Variants in OPCML observed in about 807,000 individuals in gnomAD.
OPCML encodes opioid-binding protein/cell adhesion molecule.
Under a neutral mutation model 37.8 loss-of-function variants are expected in OPCML, and 13 were observed. The observed-to-expected ratio is 0.34, with a 90% CI of 0.22 to 0.55. OPCML has a LOEUF of 0.55. Among genes scored for constraint, OPCML ranks in the 20% least tolerant of loss-of-function variants. The probability of loss-of-function intolerance (pLI) is 0.91; values close to 1 mark genes in which losing one functional copy is unlikely to be tolerated. For synonymous variants in OPCML, 176 were observed against 168.8 expected, an observed-to-expected ratio of 1.04 and a Z score of -0.33; for missense variants, 341 against 435.6, an observed-to-expected ratio of 0.78 and a Z score of 1.93.
At chr11:133,333,364 A>G (rs1472556645) in intron 1 of OPCML, among the ~76,000 whole-genome samples, 1 of 150,686 alleles carries the variant, frequency 6.6e-6, no homozygotes, top group Non-Finnish European at 1.5e-5. Flanking sequence ...GATTTTTAAC[A>G]AAGCTGACAA....
chr11:133,005,818 G>A, intron 1 of OPCML: 1 of 985,216 alleles, frequency 1.0e-6, no homozygotes, highest in Non-Finnish European at 1.2e-6. Context: ...CCCTGGCCCT[G>A]GGGGAAAGAG....
chr11:132,740,299 T>G (rs1021150377), intron 2 of OPCML, among the ~76,000 whole-genome samples: 1 of 152,214 alleles, frequency 6.6e-6, no homozygotes, highest in African/African-American at 2.4e-5. Context: ...TCCATGGGAA[T>G]GGGAAGACCA....
chr11:132,656,540 T>C (rs1043763616), intron 3 of OPCML, among the ~76,000 whole-genome samples: 2 of 152,178 alleles, frequency 1.3e-5, no homozygotes, highest in Non-Finnish European at 2.9e-5. Context: ...TTCTGACTAA[T>C]ATCCCTCTTG....
intron 2 of OPCML, among the ~76,000 whole-genome samples, chr11:132,902,887 G>A (rs926438929): frequency 1.3e-5 from 2 of 151,850 alleles, no homozygotes; most frequent in African/African-American, 4.8e-5. Flanking sequence ...AGGCAACTCC[G>A]AGAAATTACC....
chr11:132,625,433 C>T (rs1341894970), intron 3 of OPCML, among the ~76,000 whole-genome samples: 2 of 152,110 alleles, frequency 1.3e-5, no homozygotes, highest in South Asian at 2.1e-4. Flanking sequence ...CTAATATCCG[C>T]CATGTTATAC....
chr11:132,664,010 T>A (rs1178958687), intron 2 of OPCML, among the ~76,000 whole-genome samples: 1 of 152,062 alleles, frequency 6.6e-6, no homozygotes, highest in Non-Finnish European at 1.5e-5. Context: ...TTTTTTGTAT[T>A]TTTAGTAGAG....
intron 1 of OPCML, among the ~76,000 whole-genome samples, chr11:133,244,734 T>A (rs1191348002): frequency 6.6e-6 from 1 of 152,180 alleles, no homozygotes; most frequent in Non-Finnish European, 1.5e-5. Flanking sequence ...ATATGAGGAC[T>A]GTGCCTGCTT....
At chr11:133,270,481 A>G (rs1941796755) in intron 1 of OPCML, among the ~76,000 whole-genome samples, 1 of 152,178 alleles carries the variant, frequency 6.6e-6, no homozygotes, top group South Asian at 2.1e-4. Context: ...GAGACATATA[A>G]GGGATTGTTT....
In OPCML at chr11:133,015,362, A is replaced by G. The variant is rs369449704; in HGVS notation, c.62-72352T>C. On this transcript the variant is annotated intron_variant, in intron 1 of 7. Coordinates refer to ENST00000524381, the MANE Select transcript of OPCML (RefSeq NM_001012393.5). ...AAGGGAGGGAGGGAGGGAGGAAGGA[A>G]GGGAGGAATGAAGGAAGGAAGGAAG... is the stretch of plus-strand genomic sequence containing the variant. 3.0e-4 allele frequency among the ~76,000 whole-genome samples: 42 copies of G among 141,146 alleles called. 1 individual carries two copies. The South Asian group carries it at 8.3e-3, about 28-fold the overall frequency. The allele number at this position is 141,146 out of a possible 152,430, so 92.6% of individuals were successfully genotyped here.
At chr11:133,008,307 C>G in intron 1 of OPCML, 1 of 985,288 alleles carries the variant, frequency 1.0e-6, no homozygotes, top group African/African-American at 1.7e-5. Context: ...ATAACTACTG[C>G]CTGGTAAACA....
chr11:132,875,423 A>G (rs1942970284), intron 2 of OPCML, among the ~76,000 whole-genome samples: 1 of 151,696 alleles, frequency 6.6e-6, no homozygotes, highest in African/African-American at 2.4e-5. Context: ...TTACCCGTTC[A>G]TCCATGTATC....
In OPCML at chr11:132,605,468, G is replaced by A. The variant is rs2015749; in HGVS notation, c.379+51619C>T. Among the ~76,000 whole-genome samples, 25 of 152,204 alleles carry A rather than the reference G, an allele frequency of 1.6e-4. No individual in the cohort carries two copies. The East Asian group carries it at 4.3e-3, about 26-fold the overall frequency. On this transcript the variant is annotated intron_variant, in intron 3 of 7. Transcript: ENST00000524381. ...AGTCCCAGCTACTCGGGAGGCTGAG[G>A]TAGGAGAATAGCCTGAACCCGGGAG...
chr11:132,749,437 G>C (rs968875248), intron 2 of OPCML, among the ~76,000 whole-genome samples: 1 of 152,182 alleles, frequency 6.6e-6, no homozygotes, highest in African/African-American at 2.4e-5. Context: ...TTGGCAGGGA[G>C]TTTGAGTGGG....
intron 2 of OPCML, among the ~76,000 whole-genome samples, chr11:132,794,105 T>C (rs1376877267): frequency 6.6e-6 from 1 of 152,208 alleles, no homozygotes; most frequent in Admixed American, 6.5e-5. Flanking sequence ...CACCGTGTTG[T>C]TTCCAACCGC....
At chr11:132,672,366 G>C (rs566466005) in intron 2 of OPCML, among the ~76,000 whole-genome samples, 2 of 152,256 alleles carry the variant, frequency 1.3e-5, no homozygotes, top group Non-Finnish European at 2.9e-5. Flanking sequence ...GAAGAATCAG[G>C]GCAGTAATAC....
chr11:132,726,816 TC>T (rs1944902102), intron 2 of OPCML, among the ~76,000 whole-genome samples: 1 of 152,156 alleles, frequency 6.6e-6, no homozygotes, highest in African/African-American at 2.4e-5. Flanking sequence ...AAGTTACCGC[TC>T]ATCCAACAGA....
intron 1 of OPCML, among the ~76,000 whole-genome samples, chr11:133,145,527 T>C (rs913603074): frequency 6.6e-5 from 10 of 152,188 alleles, no homozygotes; most frequent in Non-Finnish European, 1.2e-4. Context: ...AAGGTCACAG[T>C]GTTGAGAACT....
At chr11:132,430,605 A>T (rs146895406) in intron 7 of OPCML, among the ~76,000 whole-genome samples, 1 of 152,280 alleles carries the variant, frequency 6.6e-6, no homozygotes, top group African/African-American at 2.4e-5. Flanking sequence ...ATGTTGACTT[A>T]ACTGGAGCGT....
chr11:133,230,644 C>T (rs1592126029), intron 1 of OPCML, among the ~76,000 whole-genome samples: 1 of 152,170 alleles, frequency 6.6e-6, no homozygotes, highest in Non-Finnish European at 1.5e-5. Flanking sequence ...GTTAATCAGT[C>T]GCACGCAATA....
Sources: gnomAD v4.1 joint callset for allele counts (sites outside exome capture counted in the v4.1 genomes callset) on GRCh38, gnomAD v4.1.1 for gene constraint, MANE v1.5 for transcripts, NCBI Gene and HGNC (gene_info 2026-07-23, HGNC 2026-07-21) for gene names.